Variants in SLC9A9 observed in about 807,000 individuals in gnomAD.
The protein encoded by SLC9A9 is solute carrier family 9 member A9.
A neutral mutation model predicts 77.8 loss-of-function variants in SLC9A9; 62 were observed. That is an observed-to-expected ratio of 0.80 (90% CI 0.65 to 0.98). SLC9A9 has a LOEUF of 0.98. SLC9A9 is among the 50% of genes least tolerant of loss of function. SLC9A9 has a pLI of 0.00. For synonymous variants in SLC9A9, 320 were observed against 283.5 expected (o/e 1.13, Z -1.29); for missense variants, 775 against 774.9 (o/e 1.00, Z 0.00).
chr3:143,652,243 T>A lies in SLC9A9; in HGVS notation c.755+12A>T. ...ATGATTAAAGAAACATAGGCCAAGTTCTGGTACTTACTATGTAAGGACTAT... is the reference window on the plus strand; with the variant it reads ...ATGATTAAAGAAACATAGGCCAAGTACTGGTACTTACTATGTAAGGACTAT... On this transcript the variant is annotated intron_variant, in intron 6 of 15. Transcript: ENST00000316549. 6.3e-7 allele frequency: 1 copy of A among 1,598,794 alleles called. No homozygotes were observed. Among genetic ancestry groups the A allele is most frequent in the Non-Finnish European group, 8.6e-7 (1 of 1,167,748 alleles).
At chr3:143,727,721 G>GA (rs1170869574) in intron 4 of SLC9A9, among the ~76,000 whole-genome samples, 4 of 152,076 alleles carry the variant, frequency 2.6e-5, no homozygotes, top group African/African-American at 9.7e-5. Flanking sequence ...AAAATAAAAC[G>GA]AATTATTTTA....
chr3:143,750,605 G>T (rs889994249), intron 4 of SLC9A9, among the ~76,000 whole-genome samples: 2 of 151,946 alleles, frequency 1.3e-5, no homozygotes, highest in Non-Finnish European at 2.9e-5. Context: ...GTCCTGTAAT[G>T]GTGAAAGATG....
rs142252451 is a variant in SLC9A9 at position 143,582,379 on chromosome 3, C to G, written c.756-3656G>C. Among the ~76,000 whole-genome samples, 585 of 152,274 alleles carry G rather than the reference C, an allele frequency of 3.8e-3. 3 individuals are homozygous for G. Among genetic ancestry groups the G allele is most frequent in the Middle Eastern group, 0.014 (4 of 294 alleles). ...GATATATCTTGTGGATTAAGTCGTT[C>G]CTTGAGTACTTATATGTACACTCAA... is the stretch of plus-strand genomic sequence containing the variant. On this transcript the variant is annotated intron_variant, in intron 6 of 15. Coordinates refer to ENST00000316549, the MANE Select transcript of SLC9A9 (RefSeq NM_173653.4).
At chr3:143,681,750 T>C (rs1933104086) in intron 5 of SLC9A9, among the ~76,000 whole-genome samples, 1 of 152,246 alleles carries the variant, frequency 6.6e-6, no homozygotes, top group Non-Finnish European at 1.5e-5. Flanking sequence ...TGCTTTTATC[T>C]TTCTTTGTCA....
chr3:143,648,111 C>A (rs1039544509), intron 6 of SLC9A9, among the ~76,000 whole-genome samples: 1 of 109,168 alleles, frequency 9.2e-6, no homozygotes, highest in African/African-American at 3.5e-5. Context: ...GATTACAGGG[C>A]CTTTACAACC....
intron 4 of SLC9A9, among the ~76,000 whole-genome samples, chr3:143,700,297 GA>G (rs1341826509): frequency 2.0e-5 from 3 of 152,104 alleles, no homozygotes; most frequent in African/African-American, 7.2e-5. Flanking sequence ...TCCTTCCTGA[GA>G]AAAGTAGAGG....
At chr3:143,609,756 T>G (rs1267543596) in intron 6 of SLC9A9, among the ~76,000 whole-genome samples, 1 of 152,222 alleles carries the variant, frequency 6.6e-6, no homozygotes. Context: ...TTAATTTATA[T>G]ATTAGATATC....
chr3:143,340,250 C>CAAAT (rs1207722985), intron 14 of SLC9A9, among the ~76,000 whole-genome samples: 3 of 152,008 alleles, frequency 2.0e-5, no homozygotes, highest in African/African-American at 7.2e-5. Context: ...AAAGGAAAAG[C>CAAAT]AAATAAATAA....
chr3:143,525,258 C>G (rs1444078819), intron 9 of SLC9A9, among the ~76,000 whole-genome samples: 1 of 152,108 alleles, frequency 6.6e-6, no homozygotes, highest in Non-Finnish European at 1.5e-5. Context: ...TAAATTAATA[C>G]AGATCAACTA....
chr3:143,390,437 G>A (rs983442368), intron 12 of SLC9A9, among the ~76,000 whole-genome samples: 1 of 152,196 alleles, frequency 6.6e-6, no homozygotes, highest in African/African-American at 2.4e-5. Context: ...ATATGTCATA[G>A]GCTGTTGTGG....
intron 1 of SLC9A9, among the ~76,000 whole-genome samples, chr3:143,840,480 G>T (rs910939035): frequency 7.2e-5 from 11 of 152,176 alleles, no homozygotes; most frequent in African/African-American, 2.2e-4. Context: ...CCCACCCATT[G>T]TTTCAACCAT....
At chr3:143,840,350 T>C (rs1370005584) in intron 1 of SLC9A9, among the ~76,000 whole-genome samples, 1 of 152,226 alleles carries the variant, frequency 6.6e-6, no homozygotes, top group Non-Finnish European at 1.5e-5. Context: ...GCATAGTTAA[T>C]GGTTCTACCT....
chr3:143,752,215 C>T (rs2006746820), intron 4 of SLC9A9, among the ~76,000 whole-genome samples: 2 of 152,216 alleles, frequency 1.3e-5, no homozygotes, highest in Admixed American at 1.3e-4. Context: ...AGATCTCTCT[C>T]ATTAGCAGAG....
intron 14 of SLC9A9, among the ~76,000 whole-genome samples, chr3:143,270,039 G>T (rs549227430): frequency 6.6e-6 from 1 of 152,308 alleles, no homozygotes; most frequent in South Asian, 2.1e-4. Flanking sequence ...TGATGTATTT[G>T]TCACCAAAGC....
At chr3:143,800,692 C>T (rs1362415579) in intron 2 of SLC9A9, among the ~76,000 whole-genome samples, 1 of 152,196 alleles carries the variant, frequency 6.6e-6, no homozygotes, top group African/African-American at 2.4e-5. Context: ...CAAGCTCTTT[C>T]TCATGATTTA....
chr3:143,775,325 T>A (rs1249880508), intron 4 of SLC9A9, among the ~76,000 whole-genome samples: 1 of 152,206 alleles, frequency 6.6e-6, no homozygotes, highest in Non-Finnish European at 1.5e-5. Flanking sequence ...ACTGGAGAAC[T>A]GAATAATAAA....
chr3:143,423,234 T>TACACACAC (rs761520576), intron 12 of SLC9A9, among the ~76,000 whole-genome samples: 1 of 134,628 alleles, frequency 7.4e-6, no homozygotes, highest in Non-Finnish European at 1.6e-5. Flanking sequence ...CACACACGTG[T>TACACACAC]ACACACGCGC....
chr3:143,764,757 T>C (rs1259926614), intron 4 of SLC9A9, among the ~76,000 whole-genome samples: 1 of 152,110 alleles, frequency 6.6e-6, no homozygotes. Context: ...ATCTATCTTT[T>C]GTAAAGATCG....
At chr3:143,669,148 C>A (rs1006703693) in intron 5 of SLC9A9, among the ~76,000 whole-genome samples, 8 of 152,212 alleles carry the variant, frequency 5.3e-5, no homozygotes, top group African/African-American at 1.9e-4. Context: ...TTGCCTCACT[C>A]TTCCATGGTT....
Sources: gnomAD v4.1 joint callset for allele counts (sites outside exome capture counted in the v4.1 genomes callset) on GRCh38, gnomAD v4.1.1 for gene constraint, MANE v1.5 for transcripts, NCBI Gene and HGNC (gene_info 2026-07-23, HGNC 2026-07-21) for gene names.